MYO10: variants seen among roughly 807,000 people sequenced by gnomAD.
MYO10 encodes myosin X, also known as unconventional myosin-X.
A neutral mutation model predicts 257.3 loss-of-function variants in MYO10; 133 were observed. That is an observed-to-expected ratio of 0.52 (90% CI 0.45 to 0.60). The LOEUF (loss-of-function observed/expected upper bound fraction) is 0.60. Ranked by LOEUF, MYO10 falls within the 20% of genes least tolerant of loss-of-function variation. The pLI, the probability that MYO10 is intolerant of heterozygous loss-of-function variation, is 0.00. For synonymous variants in MYO10, 1,104 were observed against 1,028.6 expected (o/e 1.07, Z -1.40); for missense variants, 2,399 against 2,635.7 (o/e 0.91, Z 1.97).
chr5:16,839,535 G>C (rs1743408532), intron 2 of MYO10, among the ~76,000 whole-genome samples: 1 of 152,110 alleles, frequency 6.6e-6, no homozygotes, highest in Non-Finnish European at 1.5e-5. Flanking sequence ...CTTGAGCCAG[G>C]AGTTCGAGAC....
At chr5:16,777,211 A>C (rs112521076) in intron 9 of MYO10, among the ~76,000 whole-genome samples, 2,504 of 152,302 alleles carry the variant, frequency 0.016, 51 homozygotes, top group African/African-American at 0.057. Flanking sequence ...CAGATGCCAA[A>C]AGGTGCTGTC....
intron 38 of MYO10, among the ~76,000 whole-genome samples, 180 bp from the exon 39 acceptor site, chr5:16,671,158 A>T (rs1736440381): frequency 6.6e-6 from 1 of 152,218 alleles, no homozygotes; most frequent in South Asian, 2.1e-4. Context: ...TCCCTAGCAC[A>T]GATACCATCT....
chr5:16,827,949 T>G (rs1743049701), intron 2 of MYO10, among the ~76,000 whole-genome samples: 2 of 152,122 alleles, frequency 1.3e-5, no homozygotes, highest in South Asian at 2.1e-4. Flanking sequence ...CAGGGAGAGT[T>G]CAATTTCTTG....
At chr5:16,893,009 C>T (rs910850348) in intron 1 of MYO10, among the ~76,000 whole-genome samples, 2 of 151,842 alleles carry the variant, frequency 1.3e-5, no homozygotes, top group Admixed American at 6.6e-5. Context: ...TCCTGGCTAA[C>T]ACGGTGAAGC....
chr5:16,724,288 G>A (rs1473158534), intron 19 of MYO10, among the ~76,000 whole-genome samples: 1 of 152,114 alleles, frequency 6.6e-6, no homozygotes, highest in Admixed American at 6.5e-5. Flanking sequence ...CACAACTCTG[G>A]ATACTACTGT....
intron 3 of MYO10, among the ~76,000 whole-genome samples, chr5:16,795,956 G>C (rs1021650423): frequency 6.6e-6 from 1 of 152,010 alleles, no homozygotes; most frequent in Non-Finnish European, 1.5e-5. Context: ...TTGGGGGGCC[G>C]AGGTGCGAGG....
chr5:16,795,632 G>A (rs1741916320), intron 3 of MYO10, among the ~76,000 whole-genome samples: 1 of 152,004 alleles, frequency 6.6e-6, no homozygotes, highest in African/African-American at 2.4e-5. Context: ...TGGTACTTGT[G>A]GATGCAGAAC....
At chr5:16,895,912 C>T (rs913424426) in intron 1 of MYO10, among the ~76,000 whole-genome samples, 12 of 152,134 alleles carry the variant, frequency 7.9e-5, no homozygotes, top group Admixed American at 7.9e-4. Context: ...GGCCCTGCCG[C>T]ACAGCAGGGC....
chr5:16,810,247 G>A (rs1742396300), intron 3 of MYO10, among the ~76,000 whole-genome samples: 1 of 152,204 alleles, frequency 6.6e-6, no homozygotes, highest in South Asian at 2.1e-4. Flanking sequence ...GGAGCTTCCA[G>A]GACGGTGCCA....
At chr5:16,681,788 G>T in intron 31 of MYO10, 83 bp downstream of exon 31, 1 of 1,456,774 alleles carries the variant, frequency 6.9e-7, no homozygotes, top group South Asian at 1.4e-5. Context: ...AAAGCAGCTC[G>T]AAATGAAAAT....
chr5:16,884,261 G>A (rs1218502473), intron 1 of MYO10, among the ~76,000 whole-genome samples: 1 of 152,016 alleles, frequency 6.6e-6, no homozygotes, highest in Non-Finnish European at 1.5e-5. Flanking sequence ...CAGGCGTGGT[G>A]GTGCATGCCT....
chr5:16,676,758 T>C (rs1736743907), intron 33 of MYO10, among the ~76,000 whole-genome samples: 2 of 152,180 alleles, frequency 1.3e-5, no homozygotes, highest in South Asian at 4.1e-4. Context: ...TGCCTGTGCA[T>C]TTTGAGAGCC....
In MYO10 at chr5:16,801,635, C is replaced by T. The variant is rs1031793551; in HGVS notation, c.280-6802G>A. Among the ~76,000 whole-genome samples the T allele has an allele frequency of 4.6e-5, 7 of 152,274 alleles. No homozygotes were observed. In the East Asian group the frequency reaches 1.2e-3, roughly 25 times the overall value. ...CTGAAAAGAAAAAATTCATACTCTA[C>T]AAAAATTTCTAAACCTATGGTTTAG... is the stretch of plus-strand genomic sequence containing the variant. On this transcript the variant is annotated intron_variant, in intron 3 of 40. Coordinates refer to ENST00000513610, the MANE Select transcript of MYO10 (RefSeq NM_012334.3).
intron 11 of MYO10, 130 bp from the exon 12 acceptor site, chr5:16,764,526 G>A (rs538645979): frequency 3.2e-5 from 29 of 904,186 alleles, no homozygotes; most frequent in Admixed American, 5.7e-5. Flanking sequence ...GAAGTCAATC[G>A]ATCTCATCTA....
intron 19 of MYO10, chr5:16,738,331 A>T: frequency 5.1e-6 from 5 of 985,454 alleles, no homozygotes; most frequent in Non-Finnish European, 4.8e-6. Context: ...ATTAAGAGGC[A>T]GGGCAGAGAG....
chr5:16,719,473 T>C (rs545611395), intron 19 of MYO10, among the ~76,000 whole-genome samples: 67 of 152,310 alleles, frequency 4.4e-4, no homozygotes, highest in African/African-American at 1.5e-3. Flanking sequence ...TAATAACGAC[T>C]GCTTCTGCTT....
intron 19 of MYO10, among the ~76,000 whole-genome samples, chr5:16,719,989 C>CGTGCGTGCGTGT (rs1554039262): frequency 2.1e-5 from 3 of 143,560 alleles, no homozygotes; most frequent in African/African-American, 5.2e-5. Flanking sequence ...TGTGTGCGTG[C>CGTGCGTGCGTGT]GTGTGTGTGT....
At chr5:16,900,973 G>A (rs1745361824) in intron 1 of MYO10, among the ~76,000 whole-genome samples, 1 of 151,976 alleles carries the variant, frequency 6.6e-6, no homozygotes, top group South Asian at 2.1e-4. Flanking sequence ...CTCCTGACCT[G>A]AGGTGATTCA....
Position 16,761,012 on chromosome 5 carries a change from C to CA in MYO10, c.1739+451dup, listed in dbSNP as rs534869207. On this transcript the variant is annotated intron_variant, in intron 17 of 40. Transcript: ENST00000513610. Reference sequence around the variant, plus strand: ...ATTTATTTATTTATTTATTTTGAGACAGAGTTTCACTCTTGTCACCCAGGC... The same window carrying CA: ...ATTTATTTATTTATTTATTTTGAGACAAGAGTTTCACTCTTGTCACCCAGGC... 2.0e-3 allele frequency among the ~76,000 whole-genome samples: 304 copies of CA among 151,588 alleles called. 1 individual carries two copies. Among genetic ancestry groups the CA allele is most frequent in the African/African-American group, 7.1e-3 (293 of 41,358 alleles).
Sources: gnomAD v4.1 joint callset for allele counts (sites outside exome capture counted in the v4.1 genomes callset) on GRCh38, gnomAD v4.1.1 for gene constraint, MANE v1.5 for transcripts, NCBI Gene and HGNC (gene_info 2026-07-23, HGNC 2026-07-21) for gene names.